The following GRK5 variants were observed in gnomAD, a reference collection of about 807,000 sequenced individuals.
GRK5 encodes g protein-coupled receptor kinase GRK5.
GRK5 carries 40 observed loss-of-function variants against 78.4 expected under a neutral mutation model. The ratio of observed to expected loss-of-function variants is 0.51; its 90% CI spans 0.40 to 0.66. GRK5 has a LOEUF of 0.66. Among genes scored for constraint, GRK5 ranks in the 30% least tolerant of loss-of-function variants. The probability of loss-of-function intolerance (pLI) is 0.00; values close to 1 mark genes in which losing one functional copy is unlikely to be tolerated. For synonymous variants in GRK5, 289 were observed against 296.8 expected, an observed-to-expected ratio of 0.97 and a Z score of 0.27; for missense variants, 598 against 759.9, an observed-to-expected ratio of 0.79 and a Z score of 2.50.
At chr10:119,300,519 G>C (rs1465954296) in intron 1 of GRK5, among the ~76,000 whole-genome samples, 1 of 152,296 alleles carries the variant, frequency 6.6e-6, no homozygotes, top group South Asian at 2.1e-4. Context: ...ATGTGCCATT[G>C]GGAAAGGACA....
At chr10:119,280,721 G>T (rs1849748359) in intron 1 of GRK5, among the ~76,000 whole-genome samples, 1 of 151,696 alleles carries the variant, frequency 6.6e-6, no homozygotes, top group Admixed American at 6.6e-5. Flanking sequence ...CTCCCAGAAT[G>T]CTTTGGAGGC....
intron 2 of GRK5, among the ~76,000 whole-genome samples, chr10:119,346,001 C>A (rs886591225): frequency 9.2e-5 from 14 of 152,084 alleles, no homozygotes; most frequent in Non-Finnish European, 1.5e-4. Context: ...CCCCCTCCCC[C>A]AAGGCCCTAG....
intron 1 of GRK5, among the ~76,000 whole-genome samples, chr10:119,259,287 A>T (rs953401910): frequency 6.6e-6 from 1 of 151,118 alleles, no homozygotes; most frequent in African/African-American, 2.4e-5. Flanking sequence ...GATGGTCTCG[A>T]TCTCCTGACC....
At chr10:119,427,472 ACCATCATCAGCATCACCG>A (rs1852716148) in intron 6 of GRK5, among the ~76,000 whole-genome samples, 1 of 143,106 alleles carries the variant, frequency 7.0e-6, no homozygotes, top group African/African-American at 2.6e-5. Context: ...CAGCATCACC[ACCATCATCAGCATCACCG>A]CCATCATCAG....
intron 1 of GRK5, among the ~76,000 whole-genome samples, chr10:119,225,263 T>TTA (rs1223340673): frequency 6.6e-6 from 1 of 152,240 alleles, no homozygotes; most frequent in Non-Finnish European, 1.5e-5. Flanking sequence ...TGTATTATCT[T>TTA]AATAAACTGT....
rs1216107213 is a variant in GRK5 at position 119,430,161 on chromosome 10, G to A, written c.534-214G>A. On this transcript the variant is annotated intron_variant, in intron 6 of 15. Transcript: ENST00000392870. The surrounding 1 kb of genome is among the most constrained non-coding windows in gnomAD (Gnocchi z 4.5). ...ATCCCCCAGCTTGCAGGGGGCTGGGGGCTGGGGGCCAGGGGGCTTGGGATT... is the reference window on the plus strand; with the variant it reads ...ATCCCCCAGCTTGCAGGGGGCTGGGAGCTGGGGGCCAGGGGGCTTGGGATT... Among the ~76,000 whole-genome samples, 1 of 152,162 alleles carries A rather than the reference G, an allele frequency of 6.6e-6. No individual in the cohort carries two copies. The highest frequency in any genetic ancestry group is 2.1e-4 in the South Asian group (1 of 4,828).
chr10:119,278,298 C>T (rs985056856), intron 1 of GRK5, among the ~76,000 whole-genome samples: 4 of 151,882 alleles, frequency 2.6e-5, no homozygotes, highest in Non-Finnish European at 4.4e-5. Flanking sequence ...CACTGCAGGC[C>T]GCCCCTCTGC....
chr10:119,251,950 A>G lies in GRK5; in HGVS notation c.52+43981A>G, dbSNP rs1042092576. Among the ~76,000 whole-genome samples, 88 of 152,226 alleles carry G rather than the reference A, an allele frequency of 5.8e-4. 1 individual carries two copies. Among genetic ancestry groups the G allele is most frequent in the Non-Finnish European group, 7.4e-5 (5 of 68,004 alleles). On this transcript the variant is annotated intron_variant, in intron 1 of 15. Transcript: ENST00000392870. The stretch of plus-strand genomic sequence containing the variant: ...TGCATATCCAATCCTCAGCCCTTCC[A>G]CTAAGGATTAGAACTTGATTTTCTT...
At position 119,284,376 on chromosome 10, in the gene GRK5, A is replaced by C. The variant is rs758727252; in HGVS notation, c.53-42140A>C. Among the ~76,000 whole-genome samples, 85 of 152,174 alleles carry C rather than the reference A, an allele frequency of 5.6e-4. 2 individuals are homozygous for C. Among genetic ancestry groups the C allele is most frequent in the Non-Finnish European group, 1.2e-4 (8 of 68,038 alleles). On this transcript the variant is annotated intron_variant, in intron 1 of 15. Transcript: ENST00000392870. ...AATGTTGCCTGGGCTGGTCTCAAAC[A>C]GTTCTCTCACCTTGACCTCCCAAAG...
chr10:119,272,991 C>T (rs1374930612), intron 1 of GRK5, among the ~76,000 whole-genome samples: 6 of 152,220 alleles, frequency 3.9e-5, no homozygotes, highest in African/African-American at 7.2e-5. Context: ...CCCTCTCTGA[C>T]GCCTTCCAAG....
chr10:119,207,777 T>C lies in GRK5; in HGVS notation c.-141T>C, dbSNP rs1848409569. ...GAAACTCTTGGGCTGAGAGCAGGAA[T>C]AATGCGGTAGGCAAGGCGGGCTGCT... is the stretch of plus-strand genomic sequence containing the variant. On this transcript the variant is annotated 5_prime_UTR_variant, in exon 1 of 16. Transcript: ENST00000392870. 1 of 773,308 alleles carries C rather than the reference T, an allele frequency of 1.3e-6. No individual in the cohort carries two copies. The highest frequency in any genetic ancestry group is 2.0e-6 in the Non-Finnish European group (1 of 494,864). 47.9% of individuals were successfully genotyped at this position (773,308 alleles called of 1,614,324 possible).
chr10:119,229,734 A>G (rs1251336472), intron 1 of GRK5, among the ~76,000 whole-genome samples: 1 of 152,140 alleles, frequency 6.6e-6, no homozygotes, highest in Non-Finnish European at 1.5e-5. Context: ...CTTTCATCAG[A>G]GAAGTGGTCT....
intron 2 of GRK5, among the ~76,000 whole-genome samples, chr10:119,368,727 C>T (rs560341552): frequency 2.0e-5 from 3 of 152,338 alleles, no homozygotes; most frequent in Non-Finnish European, 2.9e-5. Flanking sequence ...GGGCTCAGAC[C>T]GCCTCACTTC....
intron 1 of GRK5, among the ~76,000 whole-genome samples, chr10:119,272,257 A>G (rs1485203339): frequency 6.6e-6 from 1 of 152,108 alleles, no homozygotes; most frequent in Non-Finnish European, 1.5e-5. Context: ...GTTACTTGTT[A>G]CTCAGAGCTT....
At chr10:119,396,403 T>TA (rs1443101221) in intron 3 of GRK5, among the ~76,000 whole-genome samples, 1 of 152,242 alleles carries the variant, frequency 6.6e-6, no homozygotes, top group African/African-American at 2.4e-5. Context: ...TTCATGGGTC[T>TA]AGGGTGGGGC....
intron 2 of GRK5, among the ~76,000 whole-genome samples, chr10:119,360,351 C>G (rs117465202): frequency 6.6e-6 from 1 of 152,152 alleles, no homozygotes; most frequent in Non-Finnish European, 1.5e-5. Context: ...GAATGGCACA[C>G]GGGGCTGGGT....
chr10:119,397,303 C>T (rs934685788), intron 4 of GRK5, among the ~76,000 whole-genome samples: 3 of 152,210 alleles, frequency 2.0e-5, no homozygotes, highest in Non-Finnish European at 2.9e-5. Context: ...GTTGAAGCAT[C>T]GGGGTACCAT....
Position 119,278,554 on chromosome 10 carries a change from A to C in GRK5, c.53-47962A>C, listed in dbSNP as rs528095383. On this transcript the variant is annotated intron_variant, in intron 1 of 15. Transcript: ENST00000392870. Reference sequence around the variant, plus strand: ...CTGACTGCTAGTTGGACTTGGGCCCACTGAAGAGACAGCCTGGGATCGGAT... The same window carrying C: ...CTGACTGCTAGTTGGACTTGGGCCCCCTGAAGAGACAGCCTGGGATCGGAT... 2.7e-4 allele frequency among the ~76,000 whole-genome samples: 41 copies of C among 152,244 alleles called. No homozygotes were observed. The South Asian group carries it at 3.9e-3, about 15-fold the overall frequency.
chr10:119,247,725 G>A (rs2133749254), intron 1 of GRK5, among the ~76,000 whole-genome samples: 1 of 152,278 alleles, frequency 6.6e-6, no homozygotes, highest in African/African-American at 2.4e-5. Flanking sequence ...TTGTTTAGAG[G>A]GGGCCACATG....
Sources: allele counts gnomAD v4.1 joint callset (sites outside exome capture counted in the v4.1 genomes callset), GRCh38; gene constraint gnomAD v4.1.1; non-coding constraint Gnocchi (gnomAD v3.1); transcripts MANE v1.5; gene names NCBI Gene and HGNC (gene_info 2026-07-23, HGNC 2026-07-21).